MAN2A2: variants seen among roughly 807,000 people sequenced by gnomAD.
MAN2A2 encodes the protein mannosidase alpha class 2A member 2, also known as alpha-mannosidase 2x.
In MAN2A2, 79 loss-of-function variants were observed where a neutral mutation model predicts 126.8. That is an observed-to-expected ratio of 0.62 (90% CI 0.52 to 0.75). MAN2A2 has a LOEUF of 0.75. MAN2A2 is among the 30% of genes least tolerant of loss of function. The pLI is 0.00. For missense variants in MAN2A2, 1,392 were observed against 1,522.4 expected, an observed-to-expected ratio of 0.91 and a Z score of 1.43; for synonymous variants, 671 against 618.7, an observed-to-expected ratio of 1.08 and a Z score of -1.25.
chr15:90,905,864 C>T lies in MAN2A2; in HGVS notation c.555C>T (p.Asp185=). Residue 185 remains aspartate, a synonymous_variant, in exon 5 of 23, where the codon GAC becomes GAT. Transcript: ENST00000559717. ...CCCTAGGCTGGATCAAGACCTTTGACAAGTACTACACAGAGCAGACCCAAC... is the reference window on the plus strand; with the variant it reads ...CCCTAGGCTGGATCAAGACCTTTGATAAGTACTACACAGAGCAGACCCAAC... The part of the protein sequence containing the change: ...HNDPGWIKTF[D]KYYTEQTQHI... 1.3e-6 allele frequency: 2 copies of T among 1,579,326 alleles called. No homozygotes were observed. The highest frequency in any genetic ancestry group is 1.7e-6 in the Non-Finnish European group (2 of 1,162,332).
chr15:90,919,301 G>A (rs567928554), intron 22 of MAN2A2, among the ~76,000 whole-genome samples: 4 of 152,352 alleles, frequency 2.6e-5, no homozygotes, highest in East Asian at 3.9e-4. Flanking sequence ...GTGCAGTGGC[G>A]TGATCGCAGC....
chr15:90,911,941 G>A (rs1227999671), intron 14 of MAN2A2, 102 bp from the exon 15 acceptor site: 15 of 916,348 alleles, frequency 1.6e-5, no homozygotes, highest in Admixed American at 6.2e-5. Flanking sequence ...GAGGCCCAGC[G>A]GGTGCAGGGG....
intron 2 of MAN2A2, 124 bp downstream of exon 2, chr15:90,904,463 G>C: frequency 1.8e-6 from 2 of 1,090,960 alleles, no homozygotes; most frequent in Non-Finnish European, 2.5e-6. Flanking sequence ...CAGGACAGGA[G>C]CCTTCCTTCC....
chr15:90,916,156 T>C lies in MAN2A2; in HGVS notation c.2894T>C (p.Met965Thr). 6.2e-7 allele frequency: 1 copy of C among 1,614,104 alleles called. No homozygotes were observed. Among genetic ancestry groups the C allele is most frequent in the Non-Finnish European group, 8.5e-7 (1 of 1,180,026 alleles). The stretch of plus-strand genomic sequence containing the variant: ...GAGGTGATCTTGGACCGGCGGCTGA[T>C]GCAGGATGACAACCGGGGCCTAGGC... ...QLEVILDRRLMQDDNRGLGQG... is the reference protein window; with the variant it reads ...QLEVILDRRLTQDDNRGLGQG... The change falls in exon 20 of 23, where the codon ATG becomes ACG. Residue 965 changes from methionine (M) to threonine (T), a missense_variant. By Grantham distance (81) the Met-to-Thr change is moderately conservative. Coordinates refer to ENST00000559717, the MANE Select transcript of MAN2A2 (RefSeq NM_006122.4).
At chr15:90,911,952 C>T in intron 14 of MAN2A2, 91 bp from the exon 15 acceptor site, 1 of 1,079,554 alleles carries the variant, frequency 9.3e-7, no homozygotes, top group Non-Finnish European at 1.4e-6. Flanking sequence ...GGTGCAGGGG[C>T]TTGCTCAAGC....
Position 90,919,884 on chromosome 15 carries a change from C to T in MAN2A2, c.*97C>T. 1 of 1,401,666 alleles carries T rather than the reference C, an allele frequency of 7.1e-7. No homozygotes were observed. Among genetic ancestry groups the T allele is most frequent in the Non-Finnish European group, 9.9e-7 (1 of 1,014,362 alleles). 86.8% of individuals were successfully genotyped at this position (1,401,666 alleles called of 1,614,324 possible). A position where few individuals can be genotyped will look rare whatever the true frequency, so the allele number is the denominator to read the frequency against. On this transcript the variant is annotated 3_prime_UTR_variant, in exon 23 of 23. Transcript: ENST00000559717. ...CACACGGGTATCCCATCCCGATCTG[C>T]CTCCCAGAACTGTGACACACTGGGC...
chr15:90,905,327 A>G lies in MAN2A2; in HGVS notation c.209A>G (p.His70Arg), dbSNP rs749448432. The G allele has an allele frequency of 3.7e-6, 6 of 1,613,970 alleles. No homozygotes were observed. Among genetic ancestry groups the G allele is most frequent in the Non-Finnish European group, 5.1e-6 (6 of 1,180,034 alleles). ...GAGGAGAACCATGAGATTATCAGCCATATCAAGGACTCCGTGCTGGAGCTG... is the reference window on the plus strand; with the variant it reads ...GAGGAGAACCATGAGATTATCAGCCGTATCAAGGACTCCGTGCTGGAGCTG... ...LLEENHEIIS[H>R]IKDSVLELTA... is the part of the protein sequence containing the mutation. Residue 70 changes from histidine to arginine, a missense_variant, in exon 3 of 23, where the codon CAT becomes CGT. Physicochemically the swap from His to Arg is conservative, Grantham distance 29. Coordinates refer to ENST00000559717, the MANE Select transcript of MAN2A2 (RefSeq NM_006122.4).
rs751679594 is a variant in MAN2A2 at position 90,905,290 on chromosome 15, G to A, written c.172G>A (p.Glu58Lys). The A allele has an allele frequency of 6.2e-7, 1 of 1,613,730 alleles. No homozygotes were observed. Among genetic ancestry groups the A allele is most frequent in the Non-Finnish European group, 8.5e-7 (1 of 1,180,026 alleles). The change falls in exon 3 of 23, where the codon GAG becomes AAG. Residue 58 changes from glutamate to lysine, a missense_variant. Glu to Lys is a moderately conservative substitution (Grantham distance 56). Coordinates refer to ENST00000559717, the MANE Select transcript of MAN2A2 (RefSeq NM_006122.4). ...SVLQNRIEQL[E>K]QLLEENHEII... ...GCTGCAGAACCGCATTGAGCAGCTG[G>A]AGCAGCTTTTGGAGGAGAACCATGA...
In MAN2A2 at chr15:90,913,426, C is replaced by G. The variant is rs372859010; in HGVS notation, c.2718+20C>G. 2.2e-5 allele frequency: 35 copies of G among 1,579,244 alleles called. No homozygotes were observed. The highest frequency in any genetic ancestry group is 3.0e-5 in the Non-Finnish European group (34 of 1,148,756). On this transcript the variant is annotated intron_variant, in intron 18 of 22. Coordinates refer to ENST00000559717, the MANE Select transcript of MAN2A2 (RefSeq NM_006122.4). Reference sequence around the variant, plus strand: ...TTTCAGGTGACTCCTGGGCCTGGGTCTCGGAGACCCCACAGAGTAGAACTT... The same window carrying G: ...TTTCAGGTGACTCCTGGGCCTGGGTGTCGGAGACCCCACAGAGTAGAACTT...
intron 3 of MAN2A2, 22 bp downstream of exon 3, chr15:90,905,530 G>T: frequency 1.2e-6 from 2 of 1,614,140 alleles, no homozygotes; most frequent in Non-Finnish European, 1.7e-6. Flanking sequence ...AGCTGGCAGG[G>T]ACGTACAGTG....
At chr15:90,904,751 G>A (rs1348908320) in intron 2 of MAN2A2, among the ~76,000 whole-genome samples, 2 of 152,018 alleles carry the variant, frequency 1.3e-5, no homozygotes, top group Admixed American at 1.3e-4. Flanking sequence ...CACCATGCCC[G>A]ACTAATTTTT....
chr15:90,916,774 C>T, intron 20 of MAN2A2: 1 of 777,410 alleles, frequency 1.3e-6, no homozygotes, highest in Non-Finnish European at 1.9e-6. Context: ...ATATTGAGCA[C>T]CTGCTTTACT....
At chr15:90,912,405 C>T (rs1299559412) in intron 15 of MAN2A2, 126 bp downstream of exon 15, 7 of 1,570,892 alleles carry the variant, frequency 4.5e-6, no homozygotes, top group Non-Finnish European at 6.1e-6. Context: ...GGACCGGGGC[C>T]TGGGCCATCT....
In MAN2A2 at chr15:90,904,440, G is replaced by A. The variant is rs536803478; in HGVS notation, c.132+101G>A. On this transcript the variant is annotated intron_variant, in intron 2 of 22. Coordinates refer to ENST00000559717, the MANE Select transcript of MAN2A2 (RefSeq NM_006122.4). Reference sequence around the variant, plus strand: ...CCTCCCCTCCCACCCCCCGCTGGAGGGTAATGTCAGTACAGGACAGGAGCC... The same window carrying A: ...CCTCCCCTCCCACCCCCCGCTGGAGAGTAATGTCAGTACAGGACAGGAGCC... 3,081 of 1,349,650 alleles carry A rather than the reference G, an allele frequency of 2.3e-3. 16 individuals are homozygous for A. The highest frequency in any genetic ancestry group is 2.4e-3 in the Non-Finnish European group (2,410 of 997,864). The allele number at this position is 1,349,650 out of a possible 1,614,324, so 83.6% of individuals were successfully genotyped here.
intron 20 of MAN2A2, 76 bp from the exon 21 acceptor site, chr15:90,918,118 G>A (rs1435792925): frequency 1.4e-6 from 2 of 1,385,200 alleles, no homozygotes; most frequent in African/African-American, 1.4e-5. Context: ...TGACCTGGGT[G>A]TGCTTTTATC....
rs866731571 is a variant in MAN2A2, at chr15:90,912,266, C to A, written c.2333C>A (p.Thr778Asn). Residue 778 changes from threonine (T) to asparagine (N), a missense_variant, in exon 15 of 23, where the codon ACT becomes AAT. Thr to Asn is a moderately conservative substitution (Grantham distance 65, BLOSUM62 0). Transcript: ENST00000559717. Reference sequence around the variant, plus strand: ...ATGCAGGTCTGGTTCTCAGGCCTTACTGGGCTCCTCAAGGTAAAAGGCCAG... The same window carrying A: ...ATGCAGGTCTGGTTCTCAGGCCTTAATGGGCTCCTCAAGGTAAAAGGCCAG... The part of the protein sequence containing the change: ...RYMQVWFSGL[T>N]GLLKSIRRVD... The A allele has an allele frequency of 1.2e-6, 2 of 1,614,228 alleles. No homozygotes were observed. The highest frequency in any genetic ancestry group is 8.5e-7 in the Non-Finnish European group (1 of 1,180,028).
intron 10 of MAN2A2, 33 bp from the exon 11 acceptor site, chr15:90,910,468 G>A (rs770690032): frequency 2.5e-6 from 4 of 1,610,970 alleles, no homozygotes; most frequent in Admixed American, 1.7e-5. Context: ...GGCTAGTGGT[G>A]CAGGCTGGCA....
intron 22 of MAN2A2, 67 bp from the exon 23 acceptor site, chr15:90,919,568 A>T (rs2035441565): frequency 6.4e-7 from 1 of 1,570,862 alleles, no homozygotes; most frequent in African/African-American, 1.4e-5. Context: ...CAAATTGTAG[A>T]TGAACAGCCA....
chr15:90,906,973 G>A lies in MAN2A2; in HGVS notation c.1009+60G>A, dbSNP rs143733518. The A allele has an allele frequency of 1.5e-3, 2,374 of 1,584,230 alleles. 5 individuals carry two copies. The highest frequency in any genetic ancestry group is 1.9e-3 in the Non-Finnish European group (2,157 of 1,160,894). Reference sequence around the variant, plus strand: ...CATAGTCTTCACTGGGGAACAGCAGGGATATCAGAACTAAGACCCCCACTG... The same window carrying A: ...CATAGTCTTCACTGGGGAACAGCAGAGATATCAGAACTAAGACCCCCACTG... On this transcript the variant is annotated intron_variant, in intron 7 of 22. Coordinates refer to ENST00000559717, the MANE Select transcript of MAN2A2 (RefSeq NM_006122.4).
Sources: gnomAD v4.1 joint callset for allele counts (sites outside exome capture counted in the v4.1 genomes callset) on GRCh38, gnomAD v4.1.1 for gene constraint, MANE v1.5 for transcripts, NCBI Gene and HGNC (gene_info 2026-07-23, HGNC 2026-07-21) for gene names.